The following UBXN8 variants were observed in gnomAD, a reference collection of about 807,000 sequenced individuals.
UBXN8 encodes the protein UBX domain protein 8.
A neutral mutation model predicts 32.1 loss-of-function variants in UBXN8; 27 were observed. The ratio of observed to expected loss-of-function variants is 0.84; its 90% CI spans 0.62 to 1.16. The LOEUF (loss-of-function observed/expected upper bound fraction) is 1.16. Ranked by LOEUF, UBXN8 falls within the 50% of genes most tolerant of loss-of-function variation. The probability of loss-of-function intolerance (pLI) is 0.00; values close to 1 mark genes in which losing one functional copy is unlikely to be tolerated. For synonymous variants in UBXN8, 109 were observed against 111.8 expected, an observed-to-expected ratio of 0.98 and a Z score of 0.16; for missense variants, 306 against 311.4, an observed-to-expected ratio of 0.98 and a Z score of 0.13.
At chr8:30,752,311 T>C (rs1439866240) in intron 2 of UBXN8, among the ~76,000 whole-genome samples, 5 of 152,040 alleles carry the variant, frequency 3.3e-5, no homozygotes, top group African/African-American at 1.2e-4. Context: ...TCATGCTTGT[T>C]TTTAGTTTTT....
At chr8:30,738,360 AAAT>A (rs1009797543) in intron 1 of UBXN8, among the ~76,000 whole-genome samples, 1 of 151,484 alleles carries the variant, frequency 6.6e-6, no homozygotes, top group African/African-American at 2.4e-5. Context: ...TCTTTTTAAA[AAAT>A]AATAATAATA....
chr8:30,755,760 GAAA>G (rs34287599), intron 4 of UBXN8, among the ~76,000 whole-genome samples: 1 of 88,920 alleles, frequency 1.1e-5, no homozygotes, highest in Non-Finnish European at 1.9e-5. Context: ...CCTTTCTCCA[GAAA>G]AAAAAAAAAA....
intron 1 of UBXN8, among the ~76,000 whole-genome samples, chr8:30,750,772 C>CAA (rs11308328): frequency 3.3e-5 from 4 of 122,744 alleles, no homozygotes; most frequent in African/African-American, 7.5e-5. Flanking sequence ...GACTCTGTCT[C>CAA]AAAAAAAAAA....
At chr8:30,729,212 G>A (rs1220736044), upstream of UBXN8, among the ~76,000 whole-genome samples, 1 of 152,230 alleles carries the variant, frequency 6.6e-6, no homozygotes, top group East Asian at 1.9e-4. Flanking sequence ...GATCCTGCGA[G>A]CGCTCCTGGG....
intron 5 of UBXN8, among the ~76,000 whole-genome samples, chr8:30,759,532 G>A (rs1290345102): frequency 6.6e-6 from 1 of 151,836 alleles, no homozygotes; most frequent in African/African-American, 2.4e-5. Flanking sequence ...ACCACACCCA[G>A]CCCAATATCT....
chr8:30,748,306 G>GA (rs202158573), intron 1 of UBXN8, among the ~76,000 whole-genome samples: 6 of 150,126 alleles, frequency 4.0e-5, no homozygotes, highest in Admixed American at 2.0e-4. Context: ...GGATCATTTG[G>GA]AAAAAATATA....
intron 5 of UBXN8, among the ~76,000 whole-genome samples, chr8:30,760,440 TATA>T (rs1232161953): frequency 4.2e-4 from 21 of 50,474 alleles, no homozygotes; most frequent in African/African-American, 1.4e-3. Flanking sequence ...TATATATATA[TATA>T]TTTTTTTTTT....
chr8:30,733,230 G>A (rs1466105098), exon 1 of UBXN8: 2 of 152,392 alleles, frequency 1.3e-5, no homozygotes, highest in East Asian at 1.9e-4. Context: ...TGTTGTTGAA[G>A]CCAGATCGTT....
upstream of UBXN8, among the ~76,000 whole-genome samples, chr8:30,743,496 G>A (rs192510163): frequency 2.0e-4 from 31 of 152,314 alleles, no homozygotes; most frequent in Admixed American, 1.5e-3. Context: ...AGATTGGGAG[G>A]ACCTCAGTAG....
intron 3 of UBXN8, 134 bp from the exon 4 acceptor site, chr8:30,754,530 AG>A: frequency 8.1e-7 from 1 of 1,239,098 alleles, no homozygotes; most frequent in Non-Finnish European, 1.1e-6. Context: ...ACAACCAAGC[AG>A]CCAAACAGGG....
upstream of UBXN8, among the ~76,000 whole-genome samples, chr8:30,742,188 T>C (rs1351015184): frequency 2.6e-5 from 4 of 152,160 alleles, no homozygotes; most frequent in Non-Finnish European, 2.9e-5. Flanking sequence ...AATTAATTAT[T>C]TTATGGTATG....
At position 30,751,459 on chromosome 8, in the gene UBXN8, C is replaced by T. The variant is rs2911690; in HGVS notation, c.152C>T (p.Thr51Ile). 1 allele frequency: 1,610,642 copies of T among 1,611,218 alleles called. 805,036 individuals carry two copies. Among genetic ancestry groups the T allele is most frequent in the Middle Eastern group, 1 (6,056 of 6,056 alleles). The change falls in exon 2 of 8, where the codon ACT (threonine) becomes ATT (isoleucine). Residue 51 changes from threonine to isoleucine, a missense_variant. Thr to Ile is a moderately conservative substitution (Grantham distance 89). Coordinates refer to ENST00000265616, the MANE Select transcript of UBXN8 (RefSeq NM_005671.4). ...ILLLLALLTL[T>I]ISVTTSWLNS... ...CTACTGCTTGCTCTTCTTACTTTAACTATTTCTGTGACTACCTCATGGCTT... is the reference window on the plus strand; with the variant it reads ...CTACTGCTTGCTCTTCTTACTTTAATTATTTCTGTGACTACCTCATGGCTT...
At chr8:30,733,488 T>C (rs1269651637) in intron 1 of UBXN8, among the ~76,000 whole-genome samples, 1 of 152,198 alleles carries the variant, frequency 6.6e-6, no homozygotes, top group East Asian at 1.9e-4. Context: ...AGTTATACAT[T>C]GCAGAGGACA....
intron 7 of UBXN8, among the ~76,000 whole-genome samples, 177 bp downstream of exon 7, chr8:30,763,524 C>T (rs929026572): frequency 1.3e-5 from 2 of 152,156 alleles, no homozygotes. Flanking sequence ...GCATGCCTGC[C>T]GGATGTCTCT....
intron 1 of UBXN8, among the ~76,000 whole-genome samples, chr8:30,747,373 C>A (rs1414094704): frequency 8.6e-6 from 1 of 115,880 alleles, no homozygotes; most frequent in Non-Finnish European, 1.7e-5. Flanking sequence ...TGCAGTGGCA[C>A]AATCTCTGCT....
chr8:30,759,126 C>T (rs1446036732), intron 5 of UBXN8, among the ~76,000 whole-genome samples: 1 of 152,006 alleles, frequency 6.6e-6, no homozygotes, highest in Non-Finnish European at 1.5e-5. Context: ...ATCTCCTGAC[C>T]TCATGATCTG....
At chr8:30,739,340 C>T (rs533005515), upstream of UBXN8, among the ~76,000 whole-genome samples, 1 of 146,940 alleles carries the variant, frequency 6.8e-6, no homozygotes, top group South Asian at 2.4e-4. Context: ...GTCAGGAGAT[C>T]AAGACCATCC....
intron 3 of UBXN8, among the ~76,000 whole-genome samples, chr8:30,753,949 A>T (rs1374815944): frequency 6.6e-6 from 1 of 151,966 alleles, no homozygotes; most frequent in South Asian, 2.1e-4. Flanking sequence ...GCTAATTTTT[A>T]AAAAATTTTG....
intron 1 of UBXN8, among the ~76,000 whole-genome samples, chr8:30,738,396 C>T (rs1439046075): frequency 6.6e-6 from 1 of 152,052 alleles, no homozygotes; most frequent in Non-Finnish European, 1.5e-5. Flanking sequence ...TGCGGTGGCT[C>T]ACGCCTGTAA....
Sources: gnomAD v4.1 joint callset for allele counts (sites outside exome capture counted in the v4.1 genomes callset) on GRCh38, gnomAD v4.1.1 for gene constraint, MANE v1.5 for transcripts, NCBI Gene and HGNC (gene_info 2026-07-23, HGNC 2026-07-21) for gene names.